The following SPATC1 variants were observed in gnomAD, a reference collection of about 807,000 sequenced individuals.
SPATC1 encodes the protein speriolin.
SPATC1 carries 35 observed loss-of-function variants against 36.5 expected under a neutral mutation model. The ratio of observed to expected loss-of-function variants is 0.96; its 90% CI spans 0.73 to 1.27. SPATC1 has a LOEUF of 1.27. SPATC1 is among the 50% of genes most tolerant of loss of function. The probability of loss-of-function intolerance (pLI) is 0.00; values close to 1 mark genes in which losing one functional copy is unlikely to be tolerated. For missense variants in SPATC1, 779 were observed against 796.0 expected, an observed-to-expected ratio of 0.98 and a Z score of 0.26; for synonymous variants, 361 against 353.6, an observed-to-expected ratio of 1.02 and a Z score of -0.24.
Position 144,017,501 on chromosome 8 carries a change from C to T in SPATC1, c.211+4775C>T, listed in dbSNP as rs568164315. ...TTGGGAGGTATGAGCAGGGCTTGGTCTGGTGGGCTGTGGATGTTTATAAGC... is the reference window on the plus strand; with the variant it reads ...TTGGGAGGTATGAGCAGGGCTTGGTTTGGTGGGCTGTGGATGTTTATAAGC... On this transcript the variant is annotated intron_variant, in intron 1 of 4. Transcript: ENST00000377470. 5.3e-5 allele frequency among the ~76,000 whole-genome samples: 8 copies of T among 152,216 alleles called. No homozygotes were observed. In the East Asian group the frequency reaches 1.5e-3, roughly 29 times the overall value.
At chr8:144,024,803 T>C (rs1834640455) in intron 1 of SPATC1, among the ~76,000 whole-genome samples, 1 of 147,912 alleles carries the variant, frequency 6.8e-6, no homozygotes, top group African/African-American at 2.5e-5. Flanking sequence ...CTCAGCACCC[T>C]CTTCCCTGAG....
chr8:144,021,316 C>A (rs1834529549), intron 1 of SPATC1, among the ~76,000 whole-genome samples: 4 of 142,716 alleles, frequency 2.8e-5, no homozygotes, highest in Non-Finnish European at 4.7e-5. Flanking sequence ...TCCCTCATGA[C>A]CCTCTGCCCT....
At chr8:144,028,834 G>A (rs1348761539) in intron 1 of SPATC1, among the ~76,000 whole-genome samples, 1 of 152,174 alleles carries the variant, frequency 6.6e-6, no homozygotes, top group Admixed American at 6.5e-5. Context: ...ACTGGATAAA[G>A]AAAATGTGGT....
chr8:144,032,540 T>G (rs1834818472), intron 1 of SPATC1, among the ~76,000 whole-genome samples: 2 of 152,166 alleles, frequency 1.3e-5, no homozygotes, highest in African/African-American at 4.8e-5. Context: ...CCTCCCAAAG[T>G]GCTGGGATTA....
At chr8:144,015,994 G>A (rs148222669) in intron 1 of SPATC1, among the ~76,000 whole-genome samples, 5,209 of 148,722 alleles carry the variant, frequency 0.035, 334 homozygotes, top group African/African-American at 0.12. Flanking sequence ...CCCGGGAGGC[G>A]GAGCTTGCAG....
intron 1 of SPATC1, among the ~76,000 whole-genome samples, chr8:144,021,514 C>T: frequency 8.7e-6 from 1 of 114,432 alleles, no homozygotes; most frequent in Admixed American, 8.3e-5. Context: ...TCAGATCCCT[C>T]TCCCCTCAGG....
Position 144,015,979 on chromosome 8 carries a change from G to A in SPATC1, c.211+3253G>A, listed in dbSNP as rs200915320. On this transcript the variant is annotated intron_variant, in intron 1 of 4. Transcript: ENST00000377470. ...TGGGAGGCTGAGGCGGGAGAATGGC[G>A]TGAACCCGGGAGGCGGAGCTTGCAG... Among the ~76,000 whole-genome samples, 51 of 148,398 alleles carry A rather than the reference G, an allele frequency of 3.4e-4. No individual in the cohort carries two copies. In the East Asian group the frequency reaches 9.6e-3, roughly 28 times the overall value.
chr8:144,019,506 C>T (rs1454878707), intron 1 of SPATC1, among the ~76,000 whole-genome samples: 1 of 152,198 alleles, frequency 6.6e-6, no homozygotes, highest in African/African-American at 2.4e-5. Flanking sequence ...GCGCCAAGAG[C>T]TTCAGACTTG....
At position 144,039,965 on chromosome 8, in the gene SPATC1, G is replaced by A. The variant is rs1554755373; in HGVS notation, c.268G>A (p.Gly90Arg). ...VANERVLEEVGIMALAPLAEM... is the reference protein window; with the variant it reads ...VANERVLEEVRIMALAPLAEM... Reference sequence around the variant, plus strand: ...AAACGAACGAGTCCTCGAAGAAGTGGGGATCATGGCCTTGGCACCCCTGGC... The same window carrying A: ...AAACGAACGAGTCCTCGAAGAAGTGAGGATCATGGCCTTGGCACCCCTGGC... The change falls in exon 2 of 5, where the codon GGG becomes AGG. Residue 90 changes from glycine (G) to arginine (R), a missense_variant. Physicochemically the swap from Gly to Arg is moderately radical, Grantham distance 125. Coordinates refer to ENST00000377470, the MANE Select transcript of SPATC1 (RefSeq NM_198572.3). 3.1e-6 allele frequency: 5 copies of A among 1,613,846 alleles called. No homozygotes were observed. The highest frequency in any genetic ancestry group is 1.1e-5 in the South Asian group (1 of 91,086).
rs782440109 is a variant in SPATC1, at chr8:144,040,287, GC to G, written c.595del (p.Leu199SerfsTer20). On this transcript the variant is annotated frameshift_variant, in exon 2 of 5. Transcript: ENST00000377470. LOFTEE classifies it high-confidence loss of function. ...VMGTVAVSLS[S>X]PLLSSTATPP... The stretch of plus-strand genomic sequence containing the variant: ...GGCACGGTGGCTGTCTCTCTGAGCA[GC>G]CCCCTCCTCAGCTCCACTGCCACCC... 3.1e-6 allele frequency: 5 copies of G among 1,612,628 alleles called. No individual in the cohort carries two copies. In the Admixed American group the frequency reaches 6.7e-5, roughly 22 times the overall value.
chr8:144,042,284 AATATATATAT>A lies in SPATC1; in HGVS notation c.1446+932_1446+941del, dbSNP rs1554756220. ...CAGGTTTACGCCACCACGCCCAGCT[AATATATATAT>A]ATATATATATATATATATTTTTTTT... On this transcript the variant is annotated intron_variant, in intron 4 of 4. Coordinates refer to ENST00000377470, the MANE Select transcript of SPATC1 (RefSeq NM_198572.3). Among the ~76,000 whole-genome samples, 35 of 36,300 alleles carry A rather than the reference AATATATATAT, an allele frequency of 9.6e-4. 2 individuals are homozygous for A. Among genetic ancestry groups the A allele is most frequent in the African/African-American group, 5.6e-3 (35 of 6,216 alleles). The allele number at this position is 36,300 out of a possible 152,430, so 23.8% of individuals were successfully genotyped here.
At chr8:144,026,827 A>G (rs1834688680) in intron 1 of SPATC1, among the ~76,000 whole-genome samples, 1 of 109,764 alleles carries the variant, frequency 9.1e-6, no homozygotes, top group Non-Finnish European at 1.8e-5. Flanking sequence ...TTTTTTTTTG[A>G]GACGGAGTCT....
At chr8:144,020,797 C>A (rs1391638125) in intron 1 of SPATC1, among the ~76,000 whole-genome samples, 15 of 145,696 alleles carry the variant, frequency 1.0e-4, no homozygotes, top group Admixed American at 2.7e-4. Context: ...CCTCTCCCAT[C>A]AAAACCCTCT....
At position 144,040,590 on chromosome 8, in the gene SPATC1, C is replaced by G. The variant is rs374723921; in HGVS notation, c.789C>G (p.Pro263=). Residue 263 remains proline (P), a synonymous_variant, in exon 3 of 5, where the codon CCC becomes CCG. Coordinates refer to ENST00000377470, the MANE Select transcript of SPATC1 (RefSeq NM_198572.3). ...TTKVPLSTEP[P]QSTQDPEPLS... ...TAGTCCCACTCTCCACTGAGCCCCC[C>G]CAGTCGACCCAGGACCCAGAGCCTC... 39 of 1,599,174 alleles carry G rather than the reference C, an allele frequency of 2.4e-5. No individual in the cohort carries two copies. In the Admixed American group the frequency reaches 2.6e-4, roughly 11 times the overall value.
At chr8:144,034,290 A>T (rs1834855168) in intron 1 of SPATC1, among the ~76,000 whole-genome samples, 1 of 152,124 alleles carries the variant, frequency 6.6e-6, no homozygotes, top group African/African-American at 2.4e-5. Context: ...ATCCCTCTCC[A>T]CATGAGGCTG....
At position 144,040,790 on chromosome 8, in the gene SPATC1, C is replaced by T; in HGVS notation, c.989C>T (p.Pro330Leu). ...GTCCCCACCTCCCCCACCACCTCCCCCACGGTCACCGTCCTTGCCTCTGCC... is the reference window on the plus strand; with the variant it reads ...GTCCCCACCTCCCCCACCACCTCCCTCACGGTCACCGTCCTTGCCTCTGCC... ...ASVPTSPTTS[P>L]TVTVLASAPA... The change falls in exon 3 of 5, where the codon CCC becomes CTC. Residue 330 changes from proline (P) to leucine (L), a missense_variant. Coordinates refer to ENST00000377470, the MANE Select transcript of SPATC1 (RefSeq NM_198572.3). The T allele has an allele frequency of 6.4e-7, 1 of 1,564,806 alleles. No individual in the cohort carries two copies. The highest frequency in any genetic ancestry group is 8.6e-7 in the Non-Finnish European group (1 of 1,156,428).
At chr8:144,024,320 C>A (rs955993145) in intron 1 of SPATC1, among the ~76,000 whole-genome samples, 8 of 149,624 alleles carry the variant, frequency 5.3e-5, no homozygotes, top group African/African-American at 2.0e-4. Flanking sequence ...CTTCCTCCCC[C>A]AGGACCGCCT....
chr8:144,042,255 A>G (rs1384447442), intron 4 of SPATC1, among the ~76,000 whole-genome samples: 1 of 132,010 alleles, frequency 7.6e-6, no homozygotes, highest in Non-Finnish European at 1.6e-5. Context: ...AGTAGCTGGG[A>G]CCACAGGTTT....
chr8:144,040,244 CT>C lies in SPATC1; in HGVS notation c.548del (p.Leu183ArgfsTer2), dbSNP rs781784210. ...GPVAMSQSSP[L>X]IAPVMGTVAV... ...TGTGGCCATGTCCCAGAGCAGCCCCCTGATAGCCCCTGTGATGGGCACGGTG... is the reference window on the plus strand; with the variant it reads ...TGTGGCCATGTCCCAGAGCAGCCCCCGATAGCCCCTGTGATGGGCACGGTG... On this transcript the variant is annotated frameshift_variant, in exon 2 of 5. Coordinates refer to ENST00000377470, the MANE Select transcript of SPATC1 (RefSeq NM_198572.3). LOFTEE classifies it high-confidence loss of function. 3.1e-6 allele frequency: 5 copies of C among 1,612,926 alleles called. 1 individual carries two copies. Among genetic ancestry groups the C allele is most frequent in the South Asian group, 2.2e-5 (2 of 91,046 alleles).
Sources: gnomAD v4.1 joint callset for allele counts (sites outside exome capture counted in the v4.1 genomes callset) on GRCh38, gnomAD v4.1.1 for gene constraint, MANE v1.5 for transcripts, NCBI Gene and HGNC (gene_info 2026-07-23, HGNC 2026-07-21) for gene names.